The following GRM8 variants were observed in gnomAD, a reference collection of about 807,000 sequenced individuals.
The protein encoded by GRM8 is metabotropic glutamate receptor 8.
Under a neutral mutation model 87.2 loss-of-function variants are expected in GRM8, and 47 were observed. The ratio of observed to expected loss-of-function variants is 0.54; its 90% CI spans 0.43 to 0.69. The LOEUF (loss-of-function observed/expected upper bound fraction) is 0.69. Ranked by LOEUF, GRM8 falls within the 30% of genes least tolerant of loss-of-function variation. The pLI is 0.00. For missense variants in GRM8, 1,019 were observed against 1,139.2 expected (o/e 0.89, Z 1.52); for synonymous variants, 396 against 404.5 (o/e 0.98, Z 0.25).
At chr7:126,733,936 T>C (rs1813900260) in intron 7 of GRM8, among the ~76,000 whole-genome samples, 1 of 152,016 alleles carries the variant, frequency 6.6e-6, no homozygotes, top group Non-Finnish European at 1.5e-5. Flanking sequence ...AAATAACTGA[T>C]AATCTGAAAT....
chr7:126,714,345 T>G (rs1168979037), intron 7 of GRM8, among the ~76,000 whole-genome samples: 1 of 150,454 alleles, frequency 6.6e-6, no homozygotes, highest in Non-Finnish European at 1.5e-5. Context: ...ACCTACAAAG[T>G]GCTTACTTTG....
At chr7:126,717,393 C>G (rs984728522) in intron 7 of GRM8, among the ~76,000 whole-genome samples, 1 of 152,086 alleles carries the variant, frequency 6.6e-6, no homozygotes, top group Non-Finnish European at 1.5e-5. Context: ...TCCAGGGACA[C>G]GAGTGCTGGG....
At chr7:126,996,019 A>C in intron 3 of GRM8, among the ~76,000 whole-genome samples, 1 of 152,130 alleles carries the variant, frequency 6.6e-6, no homozygotes, top group East Asian at 1.9e-4. Context: ...TTCAGTAGAA[A>C]CCTTACTGGC....
At chr7:127,112,112 A>G (rs1342732793) in intron 2 of GRM8, 2 of 152,020 alleles carry the variant, frequency 1.3e-5, no homozygotes, top group African/African-American at 4.8e-5. Context: ...TATAGCCCAG[A>G]CCTCCTGTCA....
chr7:127,052,964 A>G (rs1819639738), intron 3 of GRM8, among the ~76,000 whole-genome samples: 1 of 152,180 alleles, frequency 6.6e-6, no homozygotes, highest in Non-Finnish European at 1.5e-5. Context: ...TTTATTATTT[A>G]CTACAAAATA....
rs189158967 is a variant in GRM8, at chr7:126,526,123, C to A, written c.2430+6829G>T. 1.7e-3 allele frequency among the ~76,000 whole-genome samples: 262 copies of A among 152,178 alleles called. 5 individuals are homozygous for A. The highest frequency in any genetic ancestry group is 1.4e-3 in the East Asian group (7 of 5,180). On this transcript the variant is annotated intron_variant, in intron 9 of 10. Coordinates refer to ENST00000339582, the MANE Select transcript of GRM8 (RefSeq NM_000845.3). ...TGCTTGCAATCTGTTCTTCCTGGCA[C>A]CCTGTATGTTCCATGAGAGATAAGC...
At chr7:126,814,777 A>G (rs1326959022) in intron 6 of GRM8, among the ~76,000 whole-genome samples, 1 of 151,686 alleles carries the variant, frequency 6.6e-6, no homozygotes, top group South Asian at 2.1e-4. Flanking sequence ...TTTTTCAAAA[A>G]TAAGCCACTG....
intron 8 of GRM8, among the ~76,000 whole-genome samples, chr7:126,604,450 A>G (rs578177264): frequency 6.6e-6 from 1 of 152,242 alleles, no homozygotes; most frequent in South Asian, 2.1e-4. Flanking sequence ...AATACCCACT[A>G]TAGGTCCTCT....
At chr7:126,909,721 T>C (rs546790361) in intron 3 of GRM8, among the ~76,000 whole-genome samples, 1 of 152,198 alleles carries the variant, frequency 6.6e-6, no homozygotes, top group Admixed American at 6.5e-5. Context: ...ACAATACACA[T>C]GATCACTCCT....
chr7:126,998,596 T>C (rs1470638108), intron 3 of GRM8, among the ~76,000 whole-genome samples: 1 of 151,646 alleles, frequency 6.6e-6, no homozygotes, highest in Non-Finnish European at 1.5e-5. Flanking sequence ...AAAATCAATA[T>C]AAATAGTAGC....
At chr7:127,082,359 T>C (rs897341114) in intron 3 of GRM8, among the ~76,000 whole-genome samples, 3 of 152,050 alleles carry the variant, frequency 2.0e-5, no homozygotes, top group Admixed American at 6.6e-5. Flanking sequence ...CTTGTTCCAA[T>C]AGACCAGGAA....
intron 2 of GRM8, among the ~76,000 whole-genome samples, chr7:127,142,860 G>A (rs1463481980): frequency 6.6e-6 from 1 of 152,090 alleles, no homozygotes; most frequent in Non-Finnish European, 1.5e-5. Context: ...CATTTATGAT[G>A]TTTAGTAGAA....
At chr7:126,806,457 G>A (rs1792733387) in intron 6 of GRM8, among the ~76,000 whole-genome samples, 1 of 152,226 alleles carries the variant, frequency 6.6e-6, no homozygotes, top group South Asian at 2.1e-4. Flanking sequence ...GTGCATTGTG[G>A]CTGCTTGCGC....
At chr7:126,526,920 TC>T (rs572025265) in intron 9 of GRM8, among the ~76,000 whole-genome samples, 73 of 152,106 alleles carry the variant, frequency 4.8e-4, no homozygotes, top group African/African-American at 1.7e-3. Context: ...AAAATTTACT[TC>T]CCCCTTCCAG....
At chr7:126,884,270 C>T (rs908748087) in intron 6 of GRM8, among the ~76,000 whole-genome samples, 4 of 151,988 alleles carry the variant, frequency 2.6e-5, no homozygotes, top group African/African-American at 9.7e-5. Flanking sequence ...AACTAAATGT[C>T]ATTCACCTGT....
chr7:126,638,873 T>G (rs1802102236), intron 7 of GRM8, among the ~76,000 whole-genome samples: 1 of 152,174 alleles, frequency 6.6e-6, no homozygotes, highest in Non-Finnish European at 1.5e-5. Context: ...CATGTATCTT[T>G]CCTTTGACTG....
intron 3 of GRM8, among the ~76,000 whole-genome samples, chr7:126,929,264 T>C (rs934517922): frequency 1.3e-5 from 2 of 152,214 alleles, no homozygotes; most frequent in African/African-American, 2.4e-5. Flanking sequence ...AAGGAAATAC[T>C]GCCTTTTGTA....
chr7:126,835,625 C>T (rs959312115), intron 6 of GRM8, among the ~76,000 whole-genome samples: 2 of 152,100 alleles, frequency 1.3e-5, no homozygotes, highest in Non-Finnish European at 2.9e-5. Flanking sequence ...TTCTTTAAAG[C>T]CATAAGGTTT....
chr7:127,163,857 C>T (rs1345781416), intron 2 of GRM8, among the ~76,000 whole-genome samples: 2 of 152,076 alleles, frequency 1.3e-5, no homozygotes, highest in East Asian at 1.9e-4. Flanking sequence ...TTAAGCACCC[C>T]TTTGGGAGAT....
Sources: gnomAD v4.1 joint callset for allele counts (sites outside exome capture counted in the v4.1 genomes callset) on GRCh38, gnomAD v4.1.1 for gene constraint, MANE v1.5 for transcripts, NCBI Gene and HGNC (gene_info 2026-07-23, HGNC 2026-07-21) for gene names.